VPS35L: variants seen among roughly 807,000 people sequenced by gnomAD.
VPS35L encodes the protein VPS35 endosomal protein-sorting factor-like.
In VPS35L, 83 loss-of-function variants were observed where a neutral mutation model predicts 133.0. That is an observed-to-expected ratio of 0.62 (90% CI 0.52 to 0.75). The LOEUF (loss-of-function observed/expected upper bound fraction) is 0.75, where lower values mean the gene tolerates loss of function less well. Among genes scored for constraint, VPS35L ranks in the 30% least tolerant of loss-of-function variants. VPS35L has a pLI of 0.00. For synonymous variants in VPS35L, 423 were observed against 449.9 expected (o/e 0.94, Z 0.76); for missense variants, 1,083 against 1,206.8 (o/e 0.90, Z 1.52).
intron 27 of VPS35L, among the ~76,000 whole-genome samples, chr16:19,674,272 A>G (rs1974986522): frequency 7.2e-6 from 1 of 139,132 alleles, no homozygotes; most frequent in African/African-American, 2.7e-5. Flanking sequence ...GCTCACTGCA[A>G]CCTCTGCCTC....
intron 5 of VPS35L, 58 bp from the exon 6 acceptor site, chr16:19,578,994 C>A (rs966976783): frequency 3.6e-6 from 5 of 1,397,290 alleles, no homozygotes; most frequent in Non-Finnish European, 5.1e-6. Flanking sequence ...GATGCCTCCA[C>A]TGGGGGTATT....
chr16:19,654,017 A>G (rs1409995671), intron 26 of VPS35L, among the ~76,000 whole-genome samples: 1 of 151,792 alleles, frequency 6.6e-6, no homozygotes, highest in Non-Finnish European at 1.5e-5. Flanking sequence ...CTCATCTCCC[A>G]TTTGCTTTAG....
At chr16:19,644,847 A>G (rs766210215) in intron 22 of VPS35L, 39 bp from the exon 23 acceptor site, 80 of 1,437,786 alleles carry the variant, frequency 5.6e-5, no homozygotes, top group Middle Eastern at 1.8e-4. Context: ...ACTTTCATCT[A>G]TTACCTCCGT....
chr16:19,674,184 C>CTTTTTCTTT (rs1555507022), intron 27 of VPS35L, among the ~76,000 whole-genome samples: 24 of 70,912 alleles, frequency 3.4e-4, no homozygotes, highest in African/African-American at 1.4e-3. Context: ...TTTTCTTTTT[C>CTTTTTCTTT]TTTTTTTTTT....
chr16:19,648,006 T>C, intron 24 of VPS35L, 124 bp downstream of exon 24: 2 of 849,000 alleles, frequency 2.4e-6, no homozygotes, highest in Middle Eastern at 5.9e-4. Flanking sequence ...CAGGCTAGAG[T>C]GCAGTGGCGC....
In VPS35L at chr16:19,575,126, A is replaced by G; in HGVS notation, c.433+4A>G. 15 of 1,607,432 alleles carry G rather than the reference A, an allele frequency of 9.3e-6. No homozygotes were observed. The highest frequency in any genetic ancestry group is 1.3e-5 in the Non-Finnish European group (15 of 1,175,876). ...CTGTTTATGGGATCTGAAAAAGGTA[A>G]GATGAGTTTGTTGTTGTTTTGATGG... On this transcript the variant is annotated splice_donor_region_variant and intron_variant, in intron 5 of 30. Transcript: ENST00000417362.
chr16:19,676,438 C>T (rs1387036178), intron 27 of VPS35L, among the ~76,000 whole-genome samples: 1 of 152,176 alleles, frequency 6.6e-6, no homozygotes, highest in African/African-American at 2.4e-5. Context: ...AGTCGTCAGC[C>T]TAGTCAGGGA....
At chr16:19,683,139 T>C (rs1975346039) in intron 28 of VPS35L, among the ~76,000 whole-genome samples, 1 of 152,022 alleles carries the variant, frequency 6.6e-6, no homozygotes, top group South Asian at 2.1e-4. Context: ...GTTACGCTGG[T>C]CTCAAACGCC....
intron 9 of VPS35L, among the ~76,000 whole-genome samples, chr16:19,607,015 C>T (rs1291160862): frequency 1.3e-5 from 2 of 152,204 alleles, no homozygotes; most frequent in Non-Finnish European, 2.9e-5. Flanking sequence ...GAGCTCTAAT[C>T]TTTGCTGAAA....
At chr16:19,593,273 C>T (rs28565139) in intron 8 of VPS35L, among the ~76,000 whole-genome samples, 6,768 of 152,232 alleles carry the variant, frequency 0.044, 512 homozygotes, top group African/African-American at 0.15. Context: ...CCACCAGAAC[C>T]AGGAAATAGG....
intron 9 of VPS35L, among the ~76,000 whole-genome samples, chr16:19,606,209 G>A (rs1424412249): frequency 6.6e-6 from 1 of 152,190 alleles, no homozygotes; most frequent in Admixed American, 6.6e-5. Context: ...CTGAATCTCA[G>A]TTCCTTCAGC....
intron 26 of VPS35L, among the ~76,000 whole-genome samples, chr16:19,666,895 T>TCTTCCTTTCTTC (rs1257152029): frequency 8.1e-5 from 8 of 98,258 alleles, no homozygotes; most frequent in African/African-American, 4.0e-4. Flanking sequence ...TTTCTTTCTT[T>TCTTCCTTTCTTC]CTTTCTTTCT....
rs9938065 is a variant in VPS35L, at chr16:19,655,097, A to G, written c.2221+3007A>G. On this transcript the variant is annotated intron_variant, in intron 26 of 30. Coordinates refer to ENST00000417362, the MANE Select transcript of VPS35L (RefSeq NM_020314.7). ...CGTCCTCGGTCCCCACTGAGGGACA[A>G]CTGGTGTGAGAACAGCCCCATATAC... Among the ~76,000 whole-genome samples, 1,243 of 152,318 alleles carry G rather than the reference A, an allele frequency of 8.2e-3. 18 individuals carry two copies. Among genetic ancestry groups the G allele is most frequent in the African/African-American group, 0.028 (1,161 of 41,570 alleles).
chr16:19,619,704 G>C (rs1464517796), intron 14 of VPS35L, among the ~76,000 whole-genome samples: 2 of 152,102 alleles, frequency 1.3e-5, no homozygotes, highest in African/African-American at 4.8e-5. Flanking sequence ...TATTGCACTA[G>C]AATAAGTGAT....
At chr16:19,570,867 ATATATATATATATATATATATATT>A (rs1162443822) in intron 3 of VPS35L, among the ~76,000 whole-genome samples, 20 of 64,270 alleles carry the variant, frequency 3.1e-4, no homozygotes, top group Admixed American at 1.6e-3. Context: ...ATATATATAT[ATATATATATATATATATATATATT>A]TTTGAGATGA....
At chr16:19,595,712 G>A (rs977064439) in intron 8 of VPS35L, among the ~76,000 whole-genome samples, 6 of 152,174 alleles carry the variant, frequency 3.9e-5, no homozygotes, top group Non-Finnish European at 7.3e-5. Context: ...CTCCAGCCCC[G>A]TCCTGTACTC....
At position 19,666,975 on chromosome 16, in the gene VPS35L, C is replaced by CCTTTCTTCCTTTCTTT. The variant is rs1597412835; in HGVS notation, c.2222-2178_2222-2177insCCTTTCTTTCTTTCTT. On this transcript the variant is annotated intron_variant, in intron 26 of 30. Coordinates refer to ENST00000417362, the MANE Select transcript of VPS35L (RefSeq NM_020314.7). The stretch of plus-strand genomic sequence containing the variant: ...TCCTTTCTTCCTTTCTTCCTTTCTT[C>CCTTTCTTCCTTTCTTT]CTTTCTTTCTTTCTTTCTTTTTTTT... Among the ~76,000 whole-genome samples, 3 of 76,758 alleles carry CCTTTCTTCCTTTCTTT rather than the reference C, an allele frequency of 3.9e-5. No homozygotes were observed. In the East Asian group the frequency reaches 1.1e-3, roughly 27 times the overall value. The allele number at this position is 76,758 out of a possible 152,430, so 50.4% of individuals were successfully genotyped here.
intron 10 of VPS35L, 146 bp downstream of exon 10, chr16:19,608,420 G>C: frequency 1.6e-6 from 1 of 639,676 alleles, no homozygotes; most frequent in Non-Finnish European, 2.7e-6. Flanking sequence ...AACACATACA[G>C]GGCAAGCCAC....
rs745751478 is a variant in VPS35L at position 19,691,413 on chromosome 16, T to C, written c.2588T>C (p.Leu863Pro). The change falls in exon 29 of 31, where the codon CTG becomes CCG. Residue 863 changes from leucine (L) to proline (P), a missense_variant. Leu to Pro is a moderately conservative substitution (Grantham distance 98). Transcript: ENST00000417362. ...DSKFLAENNK[L>P]CETVMAQILE... ...AAGTTCCTGGCAGAAAACAACAAGC[T>C]GTGTGAGACGGTGATGGCTCAGATC... 3.1e-6 allele frequency: 5 copies of C among 1,614,068 alleles called. No individual in the cohort carries two copies. The highest frequency in any genetic ancestry group is 2.2e-5 in the East Asian group (1 of 44,872).
Sources: allele counts gnomAD v4.1 joint callset (sites outside exome capture counted in the v4.1 genomes callset), GRCh38; gene constraint gnomAD v4.1.1; transcripts MANE v1.5; gene names NCBI Gene and HGNC (gene_info 2026-07-23, HGNC 2026-07-21).